Variants in CARNS1 observed in about 807,000 individuals in gnomAD.
The protein encoded by CARNS1 is carnosine synthase 1, also known as ATP-grasp domain containing 1.
CARNS1 carries 61 observed loss-of-function variants against 74.0 expected under a neutral mutation model. The ratio of observed to expected loss-of-function variants is 0.82; its 90% CI spans 0.67 to 1.02. The LOEUF (loss-of-function observed/expected upper bound fraction) is 1.02, where lower values mean the gene tolerates loss of function less well. CARNS1 is among the 50% of genes least tolerant of loss of function. CARNS1 has a pLI of 0.00. For synonymous variants in CARNS1, 568 were observed against 605.5 expected (o/e 0.94, Z 0.91); for missense variants, 1,278 against 1,308.4 (o/e 0.98, Z 0.36).
intron 2 of CARNS1, 81 bp downstream of exon 2, chr11:67,416,283 A>G: frequency 1.3e-6 from 2 of 1,535,794 alleles, no homozygotes; most frequent in African/African-American, 2.7e-5. Flanking sequence ...GGCAGCACCT[A>G]GGACCTAAGC....
At chr11:67,417,094 G>C (rs1863562650) in intron 2 of CARNS1, 1 of 1,126,492 alleles carries the variant, frequency 8.9e-7, no homozygotes, top group Non-Finnish European at 1.1e-6. Flanking sequence ...AAAACAAGCA[G>C]AAAACTCTGC....
At chr11:67,419,684 A>G in intron 6 of CARNS1, 23 bp downstream of exon 6, 1 of 1,588,250 alleles carries the variant, frequency 6.3e-7, no homozygotes, top group South Asian at 1.1e-5. Flanking sequence ...TGGGCTGACC[A>G]GGGATGGGAG....
In CARNS1 at chr11:67,424,446, C is replaced by G; in HGVS notation, c.2698C>G (p.Leu900Val). The change falls in exon 10 of 10, where the codon CTG becomes GTG. Residue 900 changes from leucine (L) to valine (V), a missense_variant. Physicochemically the swap from Leu to Val is conservative, Grantham distance 32. This residue lies in a region of CARNS1 where 1,164 missense variants were observed against 1,156.5 expected (regional missense o/e 1.01). Transcript: ENST00000687366. Reference sequence around the variant, plus strand: ...ACGCCTCAATCTGCTGGAGGAGGCCCTGGTGCCTGGCGAGTATGAGGAGCC... The same window carrying G: ...ACGCCTCAATCTGCTGGAGGAGGCCGTGGTGCCTGGCGAGTATGAGGAGCC... ...LLRLNLLEEALVPGEYEEPYC... is the reference protein window; with the variant it reads ...LLRLNLLEEAVVPGEYEEPYC... 1 of 1,589,254 alleles carries G rather than the reference C, an allele frequency of 6.3e-7. No homozygotes were observed. The highest frequency in any genetic ancestry group is 8.6e-7 in the Non-Finnish European group (1 of 1,168,938).
rs1423999977 is a variant in CARNS1 at position 67,423,790 on chromosome 11, G to T, written c.2042G>T (p.Gly681Val). The change falls in exon 10 of 10, where the codon GGT (glycine) becomes GTT (valine). Residue 681 changes from glycine to valine, a missense_variant. Around this residue, in one of 3 missense-constraint regions of CARNS1, gnomAD observed 1,164 missense variants for 1,156.5 expected, o/e 1.01. Transcript: ENST00000687366. The surrounding 1 kb of genome is among the most constrained non-coding windows in gnomAD (Gnocchi z 5.1). The stretch of plus-strand genomic sequence containing the variant: ...GTCATGAAGCTGGAGTTCGGGGCAG[G>T]TGCAGTGGGTGTCCGGCTGGTAGAG... ...PGVMKLEFGA[G>V]AVGVRLVEDA... is the part of the protein sequence containing the mutation. 2 of 1,602,168 alleles carry T rather than the reference G, an allele frequency of 1.2e-6. No homozygotes were observed. Among genetic ancestry groups the T allele is most frequent in the Non-Finnish European group, 1.7e-6 (2 of 1,177,964 alleles).
rs543084153 is a variant in CARNS1, at chr11:67,424,352, G to T, written c.2604G>T (p.Gln868His). 6.2e-7 allele frequency: 1 copy of T among 1,604,918 alleles called. No individual in the cohort carries two copies. Among genetic ancestry groups the T allele is most frequent in the Admixed American group, 1.7e-5 (1 of 58,726 alleles). ...HLVGVMCLVS[Q>H]HLQALSSTAS... is the part of the protein sequence containing the mutation. ...TGGGCGTCATGTGCCTTGTGTCCCA[G>T]CACCTGCAGGCCCTGAGTTCCACCG... Residue 868 changes from glutamine (Q) to histidine (H), a missense_variant, in exon 10 of 10, where the codon CAG (glutamine) becomes CAT (histidine). Physicochemically the swap from Gln to His is conservative, Grantham distance 24. Around this residue, in one of 3 missense-constraint regions of CARNS1, gnomAD observed 1,164 missense variants for 1,156.5 expected, o/e 1.01. Coordinates refer to ENST00000687366, the MANE Select transcript of CARNS1 (RefSeq NM_001166222.2).
chr11:67,419,612 G>C lies in CARNS1; in HGVS notation c.978G>C (p.Glu326Asp). 1 of 1,603,202 alleles carries C rather than the reference G, an allele frequency of 6.2e-7. No individual in the cohort carries two copies. Among genetic ancestry groups the C allele is most frequent in the Non-Finnish European group, 8.5e-7 (1 of 1,176,312 alleles). The change falls in exon 6 of 10, where the codon GAG becomes GAC. Residue 326 changes from glutamate to aspartate, a missense_variant. Glu to Asp is a conservative substitution (Grantham distance 45). Coordinates refer to ENST00000687366, the MANE Select transcript of CARNS1 (RefSeq NM_001166222.2). The part of the protein sequence containing the change: ...LALLEKLEEE[E>D]SVLVEAVYPP... ...TGCTGGAGAAGCTGGAGGAGGAGGAGAGTGTCCTGGTGGAGGCTGTGTACC... is the reference window on the plus strand; with the variant it reads ...TGCTGGAGAAGCTGGAGGAGGAGGACAGTGTCCTGGTGGAGGCTGTGTACC...
intron 9 of CARNS1, among the ~76,000 whole-genome samples, chr11:67,421,831 G>A (rs924389207): frequency 6.6e-5 from 10 of 152,194 alleles, no homozygotes; most frequent in Non-Finnish European, 1.5e-4. Context: ...GGGCTGAAGC[G>A]ATCCTCCCAC....
chr11:67,424,017 C>T lies in CARNS1; in HGVS notation c.2269C>T (p.Leu757=). ...AFVSDNGPTR[L]PGFTETAACM... The stretch of plus-strand genomic sequence containing the variant: ...TGTCTCCGACAATGGCCCTACGAGG[C>T]TGCCTGGCTTCACTGAGACGGCGGC... Residue 757 remains leucine, a synonymous_variant, in exon 10 of 10, where the codon CTG becomes TTG. Coordinates refer to ENST00000687366, the MANE Select transcript of CARNS1 (RefSeq NM_001166222.2). 1 of 1,612,938 alleles carries T rather than the reference C, an allele frequency of 6.2e-7. No homozygotes were observed. Among genetic ancestry groups the T allele is most frequent in the South Asian group, 1.1e-5 (1 of 91,060 alleles).
At chr11:67,421,776 G>A (rs914210394) in intron 9 of CARNS1, among the ~76,000 whole-genome samples, 32 of 152,300 alleles carry the variant, frequency 2.1e-4, no homozygotes, top group African/African-American at 7.5e-4. Flanking sequence ...TGACCAGACT[G>A]GAGTGCGGTG....
rs2135102201 is a variant in CARNS1, at chr11:67,424,356, C to T, written c.2608C>T (p.Leu870=). The T allele has an allele frequency of 6.2e-7, 1 of 1,603,476 alleles. No individual in the cohort carries two copies. Among genetic ancestry groups the T allele is most frequent in the East Asian group, 2.3e-5 (1 of 44,426 alleles). ...VGVMCLVSQH[L]QALSSTASRE... is the part of the protein sequence containing the mutation. Reference sequence around the variant, plus strand: ...CGTCATGTGCCTTGTGTCCCAGCACCTGCAGGCCCTGAGTTCCACCGCCAG... The same window carrying T: ...CGTCATGTGCCTTGTGTCCCAGCACTTGCAGGCCCTGAGTTCCACCGCCAG... The change falls in exon 10 of 10, where the codon CTG becomes TTG. Residue 870 remains leucine, a synonymous_variant. Transcript: ENST00000687366.
rs17853668 is a variant in CARNS1 at position 67,423,609 on chromosome 11, A to G, written c.1861A>G (p.Met621Val). 6 of 1,610,224 alleles carry G rather than the reference A, an allele frequency of 3.7e-6. No homozygotes were observed. In the Admixed American group the frequency reaches 8.4e-5, roughly 23 times the overall value. Residue 621 changes from methionine (M) to valine (V), a missense_variant, in exon 10 of 10, where the codon ATG (methionine) becomes GTG (valine). Physicochemically the swap from Met to Val is conservative, Grantham distance 21. Around this residue, in one of 3 missense-constraint regions of CARNS1, gnomAD observed 1,164 missense variants for 1,156.5 expected, o/e 1.01. Coordinates refer to ENST00000687366, the MANE Select transcript of CARNS1 (RefSeq NM_001166222.2). The surrounding 1 kb of genome is among the most constrained non-coding windows in gnomAD (Gnocchi z 5.1). ...TCTGCCCTGCAGCTCCCCAGCTGCC[A>G]TGCGCCTGGCTAAGCAGAAGAGCCT... Reference protein sequence around the residue: ...LGLPCSSPAAMRLAKQKSLTQ... With the variant: ...LGLPCSSPAAVRLAKQKSLTQ...
intron 6 of CARNS1, 22 bp downstream of exon 6, chr11:67,419,683 C>A: frequency 3.1e-6 from 5 of 1,588,712 alleles, no homozygotes; most frequent in Non-Finnish European, 4.3e-6. Flanking sequence ...CTGGGCTGAC[C>A]AGGGATGGGA....
Position 67,425,544 on chromosome 11 carries a change from G to A in CARNS1, c.*943G>A. ...CTTTAAGAAATCCTGCCTCTGTGCA[G>A]CAGAGGAGCTGGAGGCAGCTCCCCA... On this transcript the variant is annotated 3_prime_UTR_variant, in exon 10 of 10. Transcript: ENST00000687366. 1 of 161,440 alleles carries A rather than the reference G, an allele frequency of 6.2e-6. No homozygotes were observed. Among genetic ancestry groups the A allele is most frequent in the African/African-American group, 2.4e-5 (1 of 41,834 alleles). 10.0% of individuals were successfully genotyped at this position (161,440 alleles called of 1,614,324 possible).
Position 67,424,114 on chromosome 11 carries a change from G to A in CARNS1, c.2366G>A (p.Gly789Asp). 6.2e-7 allele frequency: 1 copy of A among 1,613,828 alleles called. No homozygotes were observed. Residue 789 changes from glycine to aspartate, a missense_variant, in exon 10 of 10, where the codon GGC becomes GAC. By Grantham distance (94) the Gly-to-Asp change is moderately conservative. Around this residue, in one of 3 missense-constraint regions of CARNS1, gnomAD observed 1,164 missense variants for 1,156.5 expected, o/e 1.01. Transcript: ENST00000687366. ...MVQAAFRCCLGCGLLDGVFNV... is the reference protein window; with the variant it reads ...MVQAAFRCCLDCGLLDGVFNV... ...CAGGCAGCCTTCCGCTGTTGCCTGGGCTGCGGGTTGCTCGATGGAGTCTTC... is the reference window on the plus strand; with the variant it reads ...CAGGCAGCCTTCCGCTGTTGCCTGGACTGCGGGTTGCTCGATGGAGTCTTC...
chr11:67,420,237 T>G (rs1863661543), intron 7 of CARNS1, among the ~76,000 whole-genome samples: 1 of 152,068 alleles, frequency 6.6e-6, no homozygotes, highest in Admixed American at 6.5e-5. Flanking sequence ...AGTACCCCGC[T>G]CTAGGCTACA....
At chr11:67,419,691 G>C (rs1261061302) in intron 6 of CARNS1, 30 bp downstream of exon 6, 2 of 1,587,986 alleles carry the variant, frequency 1.3e-6, no homozygotes, top group Admixed American at 1.8e-5. Context: ...ACCAGGGATG[G>C]GAGTTTGGTG....
rs1863777693 is a variant in CARNS1, at chr11:67,424,235, C to T, written c.2487C>T (p.Leu829=). Residue 829 remains leucine, a synonymous_variant, in exon 10 of 10, where the codon CTC becomes CTT. Transcript: ENST00000687366. ...ACCTGCGTGATTGGATCCTGGAGCT[C>T]TATGGTGTTGACCTGCTGCTGGCTG... ...GFYLRDWILE[L]YGVDLLLAAV... 1 of 1,613,532 alleles carries T rather than the reference C, an allele frequency of 6.2e-7. No individual in the cohort carries two copies. Among genetic ancestry groups the T allele is most frequent in the African/African-American group, 1.3e-5 (1 of 74,906 alleles).
In CARNS1 at chr11:67,419,588, G is replaced by A; in HGVS notation, c.954G>A (p.Leu318=). ...LGAVVDTVLA[L]LEKLEEEESV... ...CAGTGGTGGACACAGTGCTGGCGCT[G>A]CTGGAGAAGCTGGAGGAGGAGGAGA... Residue 318 remains leucine (L), a synonymous_variant, in exon 6 of 10, where the codon CTG becomes CTA. Transcript: ENST00000687366. 1 of 1,604,672 alleles carries A rather than the reference G, an allele frequency of 6.2e-7. No individual in the cohort carries two copies. Among genetic ancestry groups the A allele is most frequent in the East Asian group, 2.2e-5 (1 of 44,658 alleles).
intron 2 of CARNS1, chr11:67,416,665 G>A (rs1156721421): frequency 7.1e-6 from 7 of 992,474 alleles, no homozygotes; most frequent in Non-Finnish European, 8.4e-6. Context: ...CTGGAGGACA[G>A]ACTCAGCTGC....
Sources: gnomAD v4.1 joint callset for allele counts (sites outside exome capture counted in the v4.1 genomes callset) on GRCh38, gnomAD v4.1.1 for gene constraint, gnomAD v4.1.1 regional missense constraint, Gnocchi (gnomAD v3.1) non-coding constraint, MANE v1.5 for transcripts, NCBI Gene and HGNC (gene_info 2026-07-23, HGNC 2026-07-21) for gene names.